Variants in BOC observed in about 807,000 individuals in gnomAD.
BOC encodes brother of CDO.
Under a neutral mutation model 112.0 loss-of-function variants are expected in BOC, and 76 were observed. The ratio of observed to expected loss-of-function variants is 0.68; its 90% CI spans 0.56 to 0.82. BOC has a LOEUF of 0.82. Among genes scored for constraint, BOC ranks in the 40% least tolerant of loss-of-function variants. The pLI is 0.00. For missense variants in BOC, 1,309 were observed against 1,511.7 expected, an observed-to-expected ratio of 0.87 and a Z score of 2.22; for synonymous variants, 580 against 599.8, an observed-to-expected ratio of 0.97 and a Z score of 0.48.
chr3:113,260,364 A>T (rs1250097539), intron 4 of BOC, among the ~76,000 whole-genome samples: 1 of 152,264 alleles, frequency 6.6e-6, no homozygotes, highest in Non-Finnish European at 1.5e-5. Context: ...GAAGATACAA[A>T]TGGATTCAAG....
At chr3:113,275,086 G>A (rs1160448599) in intron 9 of BOC, among the ~76,000 whole-genome samples, 1 of 152,206 alleles carries the variant, frequency 6.6e-6, no homozygotes, top group Non-Finnish European at 1.5e-5. Context: ...AAGCCGTGCT[G>A]GGTACATACC....
chr3:113,283,837 T>C (rs1417827614), intron 16 of BOC, among the ~76,000 whole-genome samples: 4 of 151,806 alleles, frequency 2.6e-5, no homozygotes, highest in African/African-American at 9.7e-5. Context: ...AAAGTTGGGC[T>C]GTCTTCTCTG....
At chr3:113,264,221 TA>T (rs1191117896) in intron 4 of BOC, among the ~76,000 whole-genome samples, 1 of 152,220 alleles carries the variant, frequency 6.6e-6, no homozygotes, top group African/African-American at 2.4e-5. Flanking sequence ...AAAGTGGGTC[TA>T]CTAGCGTTTG....
chr3:113,235,456 C>T (rs1006644418), intron 2 of BOC, among the ~76,000 whole-genome samples: 1 of 152,164 alleles, frequency 6.6e-6, no homozygotes, highest in African/African-American at 2.4e-5. Flanking sequence ...TTTATATAAA[C>T]ACTTCTCCAC....
intron 2 of BOC, among the ~76,000 whole-genome samples, chr3:113,232,425 G>A (rs546254088): frequency 1.3e-4 from 20 of 152,316 alleles, no homozygotes; most frequent in African/African-American, 4.6e-4. Flanking sequence ...GATGAAGTTG[G>A]GGACTGAATG....
At chr3:113,240,698 A>G (rs1379447005) in intron 2 of BOC, among the ~76,000 whole-genome samples, 1 of 152,216 alleles carries the variant, frequency 6.6e-6, no homozygotes, top group Non-Finnish European at 1.5e-5. Flanking sequence ...TATAAAAACT[A>G]TCCTTTGAGG....
chr3:113,271,990 A>G (rs115320830), intron 6 of BOC: 2,099 of 209,370 alleles, frequency 0.01, 21 homozygotes, highest in Non-Finnish European at 0.013. Context: ...CCTGAGAACC[A>G]TAGGGTGGGG....
chr3:113,262,198 G>A (rs756197966), intron 4 of BOC, among the ~76,000 whole-genome samples: 5 of 152,202 alleles, frequency 3.3e-5, no homozygotes, highest in African/African-American at 1.2e-4. Flanking sequence ...CCTGCAAAGG[G>A]AGGAGCAGTA....
At chr3:113,260,103 G>A (rs1041994198) in intron 4 of BOC, among the ~76,000 whole-genome samples, 7 of 152,128 alleles carry the variant, frequency 4.6e-5, no homozygotes, top group African/African-American at 7.2e-5. Context: ...CTATCTGGAG[G>A]GTAGGAACTG....
Position 113,274,661 on chromosome 3 carries a change from C to T in BOC, c.1521C>T (p.Tyr507=), listed in dbSNP as rs1276874647. 1.2e-6 allele frequency: 2 copies of T among 1,600,484 alleles called. No homozygotes were observed. Among genetic ancestry groups the T allele is most frequent in the South Asian group, 2.2e-5 (2 of 90,398 alleles). The part of the protein sequence containing the change: ...HEGSGRAPIL[Y]YVVKHRKQVT... ...GCAGTGGCCGGGCGCCAATCCTCTACTATGTGGTGAAACACCGCAAGGTAT... is the reference window on the plus strand; with the variant it reads ...GCAGTGGCCGGGCGCCAATCCTCTATTATGTGGTGAAACACCGCAAGGTAT... Residue 507 remains tyrosine (Y), a synonymous_variant, in exon 9 of 20, where the codon TAC becomes TAT. Coordinates refer to ENST00000682979, the MANE Select transcript of BOC (RefSeq NM_001378074.1). This position sits in a 1 kb window ranked among gnomAD's most constrained non-coding sequence, Gnocchi z 4.8.
intron 2 of BOC, among the ~76,000 whole-genome samples, chr3:113,222,836 C>A (rs1940980963): frequency 6.6e-6 from 1 of 152,196 alleles, no homozygotes; most frequent in African/African-American, 2.4e-5. Context: ...GATTGGACTT[C>A]CGTTGAATCT....
rs530856100 is a variant in BOC at position 113,249,600 on chromosome 3, G to A, written c.-81-122G>A. 21 of 493,862 alleles carry A rather than the reference G, an allele frequency of 4.3e-5. No individual in the cohort carries two copies. In the Middle Eastern group the frequency reaches 2.0e-3, roughly 48 times the overall value. 30.6% of individuals were successfully genotyped at this position (493,862 alleles called of 1,614,324 possible). A position where few individuals can be genotyped will look rare whatever the true frequency, so the allele number is the denominator to read the frequency against. ...TCTTTGGTCTTCCAGCAGCATGACC[G>A]GGTCTCTAGTTTGAATGTTGCCAAC... On this transcript the variant is annotated intron_variant, in intron 2 of 19. Coordinates refer to ENST00000682979, the MANE Select transcript of BOC (RefSeq NM_001378074.1).
chr3:113,234,817 C>G (rs1437271918), intron 2 of BOC, among the ~76,000 whole-genome samples: 1 of 152,200 alleles, frequency 6.6e-6, no homozygotes, highest in Non-Finnish European at 1.5e-5. Flanking sequence ...ATCCTGTTGC[C>G]TTTTTGGATG....
Position 113,278,962 on chromosome 3 carries a change from C to T in BOC, c.1816+179C>T, listed in dbSNP as rs1948928001. 1 of 662,090 alleles carries T rather than the reference C, an allele frequency of 1.5e-6. No homozygotes were observed. 41.0% of individuals were successfully genotyped at this position (662,090 alleles called of 1,614,324 possible). A position where few individuals can be genotyped will look rare whatever the true frequency, so the allele number is the denominator to read the frequency against. On this transcript the variant is annotated intron_variant, in intron 11 of 19. Transcript: ENST00000682979. This position sits in a 1 kb window ranked among gnomAD's most constrained non-coding sequence, Gnocchi z 4.2. Reference sequence around the variant, plus strand: ...TTTAAATAAAAGGCTGGCATTGATGCTGGGATTGCTCACTGGGTGCATCCA... The same window carrying T: ...TTTAAATAAAAGGCTGGCATTGATGTTGGGATTGCTCACTGGGTGCATCCA...
At chr3:113,280,047 C>T (rs772695739) in intron 13 of BOC, 42 bp downstream of exon 13, 2 of 1,541,542 alleles carry the variant, frequency 1.3e-6, no homozygotes, top group African/African-American at 1.4e-5. Flanking sequence ...AGACGGCCTC[C>T]CCTAAATGCC....
upstream of BOC, chr3:113,211,230 C>T (rs11917368): frequency 0.15 from 22,537 of 152,172 alleles, 1,754 homozygotes; most frequent in Non-Finnish European, 0.17. Context: ...AGCAAGGGTG[C>T]GAGGTGAAGC....
At chr3:113,230,813 G>A (rs977994024) in intron 2 of BOC, among the ~76,000 whole-genome samples, 7 of 152,138 alleles carry the variant, frequency 4.6e-5, no homozygotes, top group Admixed American at 3.3e-4. Context: ...AGGAAAAAAG[G>A]CAATCTTTAA....
At chr3:113,213,558 T>A (rs1262143960) in intron 1 of BOC, among the ~76,000 whole-genome samples, 5 of 152,232 alleles carry the variant, frequency 3.3e-5, no homozygotes, top group Non-Finnish European at 7.4e-5. Context: ...TTGTGGGGGC[T>A]AGGATGCCCA....
In BOC at chr3:113,272,601, G is replaced by C; in HGVS notation, c.859G>C (p.Asp287His). 1.2e-6 allele frequency: 2 copies of C among 1,613,942 alleles called. No homozygotes were observed. Among genetic ancestry groups the C allele is most frequent in the Non-Finnish European group, 8.5e-7 (1 of 1,179,990 alleles). Reference protein sequence around the residue: ...TRFLLSNLLIDTTSEEDSGTY... With the variant: ...TRFLLSNLLIHTTSEEDSGTY... ...CTTCCTGCTGAGCAACCTCCTCATC[G>C]ACACCACCAGCGAGGAGGACTCAGG... Residue 287 changes from aspartate (D) to histidine (H), a missense_variant, in exon 7 of 20, where the codon GAC (aspartate) becomes CAC (histidine). Physicochemically the swap from Asp to His is moderately conservative, Grantham distance 81. Coordinates refer to ENST00000682979, the MANE Select transcript of BOC (RefSeq NM_001378074.1).
Sources: allele counts gnomAD v4.1 joint callset (sites outside exome capture counted in the v4.1 genomes callset), GRCh38; gene constraint gnomAD v4.1.1; non-coding constraint Gnocchi (gnomAD v3.1); transcripts MANE v1.5; gene names NCBI Gene and HGNC (gene_info 2026-07-23, HGNC 2026-07-21).